Variants in CALN1 observed in about 807,000 individuals in gnomAD.
CALN1 encodes calneuron 1, also known as calcium-binding protein 8.
A neutral mutation model predicts 30.6 loss-of-function variants in CALN1; 17 were observed. The ratio of observed to expected loss-of-function variants is 0.56; its 90% confidence interval spans 0.38 to 0.83. The LOEUF is 0.83. Ranked by LOEUF, CALN1 falls within the 40% of genes least tolerant of loss-of-function variation. CALN1 has a pLI of 0.00. For synonymous variants in CALN1, 156 were observed against 131.4 expected (o/e 1.19, Z -1.28); for missense variants, 291 against 354.9 (o/e 0.82, Z 1.45).
In CALN1 at chr7:71,857,333, G is replaced by A. The variant is rs1584383963; in HGVS notation, c.502-46841C>T. Among the ~76,000 whole-genome samples the A allele has an allele frequency of 3.9e-5, 6 of 152,250 alleles. 1 individual carries two copies. In the South Asian group the frequency reaches 1.2e-3, roughly 32 times the overall value. ...TCTGCATCTTCCCGCCTCTGGCACT[G>A]TCATATTGCTCAGAGTTAAGAATTC... On this transcript the variant is annotated intron_variant, in intron 5 of 6. Transcript: ENST00000395275.
chr7:71,882,850 T>TTGTGTGTG (rs34870061), intron 5 of CALN1, among the ~76,000 whole-genome samples: 2,548 of 130,964 alleles, frequency 0.019, 71 homozygotes, highest in African/African-American at 0.054. Context: ...CCCATCTAAT[T>TTGTGTGTG]TGTGTGTGTG....
chr7:71,942,974 C>G (rs182522879), intron 5 of CALN1, among the ~76,000 whole-genome samples: 32 of 152,242 alleles, frequency 2.1e-4, no homozygotes, highest in Non-Finnish European at 4.0e-4. Flanking sequence ...GTCCCTTCCC[C>G]CGTTCCAATC....
At chr7:72,071,408 T>C (rs1307913473) in intron 4 of CALN1, among the ~76,000 whole-genome samples, 2 of 152,180 alleles carry the variant, frequency 1.3e-5, no homozygotes, top group Non-Finnish European at 2.9e-5. Flanking sequence ...GCAGCACTAT[T>C]TTCCCCCGTT....
rs182120983 is a variant in CALN1 at position 72,147,857 on chromosome 7, C to A, written c.245-41563G>T. On this transcript the variant is annotated intron_variant, in intron 3 of 6. Coordinates refer to ENST00000395275, the MANE Select transcript of CALN1 (RefSeq NM_031468.4). ...GTAAACTATCGCAAGGACAAAAAAC[C>A]AAACATCGCATGTTCTCACTCACAG... is the stretch of plus-strand genomic sequence containing the variant. Among the ~76,000 whole-genome samples, 667 of 149,330 alleles carry A rather than the reference C, an allele frequency of 4.5e-3. 3 individuals are homozygous for A. The highest frequency in any genetic ancestry group is 0.016 in the African/African-American group (647 of 40,410).
intron 3 of CALN1, among the ~76,000 whole-genome samples, chr7:72,221,637 T>C (rs1374071715): frequency 1.3e-5 from 2 of 152,142 alleles, no homozygotes; most frequent in African/African-American, 4.8e-5. Flanking sequence ...ATGCCTGTAA[T>C]CGCAGTACTC....
intron 3 of CALN1, among the ~76,000 whole-genome samples, chr7:72,210,004 C>T (rs1792278860): frequency 6.6e-6 from 1 of 152,206 alleles, no homozygotes; most frequent in South Asian, 2.1e-4. Flanking sequence ...GTTCCAGCAG[C>T]ATCCCCCGAA....
intron 3 of CALN1, among the ~76,000 whole-genome samples, chr7:72,260,668 C>T (rs1348754867): frequency 1.3e-5 from 2 of 152,030 alleles, no homozygotes; most frequent in Non-Finnish European, 2.9e-5. Context: ...AAGTTTTACA[C>T]CCCCAGTGGG....
chr7:72,464,526 C>T, the CALN1 span, among the ~76,000 whole-genome samples: 1 of 152,204 alleles, frequency 6.6e-6, no homozygotes, highest in Non-Finnish European at 1.5e-5. Flanking sequence ...CAATCCCACA[C>T]ATTCCTCTTC....
intron 2 of CALN1, among the ~76,000 whole-genome samples, chr7:72,391,200 A>G (rs1008136326): frequency 6.6e-6 from 1 of 152,186 alleles, no homozygotes; most frequent in African/African-American, 2.4e-5. Flanking sequence ...ACATATTGAA[A>G]GAAGATGGTA....
At chr7:72,137,680 T>C (rs77030037) in intron 3 of CALN1, among the ~76,000 whole-genome samples, 2 of 152,234 alleles carry the variant, frequency 1.3e-5, no homozygotes, top group East Asian at 1.9e-4. Context: ...CTGGGGAAAT[T>C]TGAATAGAGT....
At chr7:71,804,144 TG>T (rs1202105309) in intron 6 of CALN1, among the ~76,000 whole-genome samples, 2 of 152,194 alleles carry the variant, frequency 1.3e-5, no homozygotes, top group Non-Finnish European at 2.9e-5. Flanking sequence ...GCTCACTTAA[TG>T]AAGACCATCT....
chr7:71,946,289 C>A (rs182963561), intron 5 of CALN1, among the ~76,000 whole-genome samples: 1 of 151,844 alleles, frequency 6.6e-6, no homozygotes, highest in Admixed American at 6.6e-5. Flanking sequence ...AAATCTAATT[C>A]TTATAGAAAT....
At chr7:71,887,869 G>A (rs984958012) in intron 5 of CALN1, among the ~76,000 whole-genome samples, 5 of 152,102 alleles carry the variant, frequency 3.3e-5, no homozygotes, top group Non-Finnish European at 5.9e-5. Flanking sequence ...TGCTGCTACC[G>A]AGAATGTGTG....
At chr7:71,817,015 A>G (rs776708184) in intron 5 of CALN1, among the ~76,000 whole-genome samples, 9 of 152,122 alleles carry the variant, frequency 5.9e-5, no homozygotes, top group Admixed American at 3.3e-4. Flanking sequence ...ATGTTTTAGT[A>G]TTAGGGTATA....
At chr7:72,320,313 G>C (rs1009082767) in intron 2 of CALN1, among the ~76,000 whole-genome samples, 1 of 152,172 alleles carries the variant, frequency 6.6e-6, no homozygotes, top group African/African-American at 2.4e-5. Flanking sequence ...TCAGGCAAGG[G>C]TAAGTCCCAG....
chr7:72,460,006 GA>G, the CALN1 span, among the ~76,000 whole-genome samples: 1 of 152,198 alleles, frequency 6.6e-6, no homozygotes, highest in Non-Finnish European at 1.5e-5. Context: ...CTGCATCTGG[GA>G]AAGCTTCAGA....
At chr7:71,918,007 T>TA (rs994737690) in intron 5 of CALN1, among the ~76,000 whole-genome samples, 5 of 152,204 alleles carry the variant, frequency 3.3e-5, no homozygotes, top group Non-Finnish European at 7.3e-5. Context: ...GCATGCATTA[T>TA]AAAATGATTC....
At chr7:72,129,545 G>A (rs1285427625) in intron 3 of CALN1, among the ~76,000 whole-genome samples, 1 of 152,106 alleles carries the variant, frequency 6.6e-6, no homozygotes, top group African/African-American at 2.4e-5. Context: ...TGGTTCTGTG[G>A]GGTTTCTTAA....
chr7:72,146,067 AG>A (rs1329807757), intron 3 of CALN1, among the ~76,000 whole-genome samples: 2 of 152,234 alleles, frequency 1.3e-5, no homozygotes, highest in African/African-American at 4.8e-5. Flanking sequence ...GGCACAAGAC[AG>A]GGATGCCCTC....
Sources: allele counts gnomAD v4.1 joint callset (sites outside exome capture counted in the v4.1 genomes callset), GRCh38; gene constraint gnomAD v4.1.1; transcripts MANE v1.5; gene names NCBI Gene and HGNC (gene_info 2026-07-23, HGNC 2026-07-21).